The following TMEM74 variants were observed in gnomAD, a reference collection of about 807,000 sequenced individuals.
TMEM74 encodes the protein transmembrane protein 74.
In TMEM74, 13 loss-of-function variants were observed where a neutral mutation model predicts 18.1. That is an observed-to-expected ratio of 0.72 (90% CI 0.47 to 1.14). TMEM74 has a LOEUF of 1.14. TMEM74 is among the 50% of genes most tolerant of loss of function. The probability of loss-of-function intolerance (pLI) is 0.00; values close to 1 mark genes in which losing one functional copy is unlikely to be tolerated. For missense variants in TMEM74, 372 were observed against 375.9 expected (o/e 0.99, Z 0.09); for synonymous variants, 159 against 146.6 (o/e 1.08, Z -0.61).
intron 2 of TMEM74, among the ~76,000 whole-genome samples, chr8:108,625,469 G>A (rs1812484808): frequency 6.6e-6 from 1 of 151,960 alleles, no homozygotes; most frequent in Non-Finnish European, 1.5e-5. Flanking sequence ...CAGTTCACAA[G>A]TAGCTTTGCT....
rs775359798 is a variant in TMEM74, at chr8:108,784,373, C to A, written c.726G>T (p.Gly242=). 9.9e-6 allele frequency: 16 copies of A among 1,613,992 alleles called. No individual in the cohort carries two copies. In the South Asian group the frequency reaches 1.6e-4, roughly 17 times the overall value. ...VIAGLCLLTL[G]GVILSCLLMM... is the part of the protein sequence containing the mutation. ...TTAACAAGCAGGACAGGATGACGCC[C>A]CCCAGCGTGAGGAGGCAGAGCCCCG... Residue 242 remains glycine (G), a synonymous_variant, in exon 2 of 2, where the codon GGG becomes GGT. Transcript: ENST00000297459.
Position 108,784,372 on chromosome 8 carries a change from C to T in TMEM74, c.727G>A (p.Gly243Ser). ...IAGLCLLTLG[G>S]VILSCLLMMS... The stretch of plus-strand genomic sequence containing the variant: ...ATTAACAAGCAGGACAGGATGACGC[C>T]CCCCAGCGTGAGGAGGCAGAGCCCC... The change falls in exon 2 of 2, where the codon GGC becomes AGC. Residue 243 changes from glycine (G) to serine (S), a missense_variant. By Grantham distance (56) the Gly-to-Ser change is moderately conservative. Transcript: ENST00000297459. 6.2e-7 allele frequency: 1 copy of T among 1,614,034 alleles called. No individual in the cohort carries two copies. The highest frequency in any genetic ancestry group is 8.5e-7 in the Non-Finnish European group (1 of 1,180,022).
intron 2 of TMEM74, among the ~76,000 whole-genome samples, chr8:108,630,584 A>C (rs1812541169): frequency 6.6e-6 from 1 of 152,004 alleles, no homozygotes; most frequent in African/African-American, 2.4e-5. Context: ...TGGAAGTAAA[A>C]CACACCTCAG....
At chr8:108,612,287 A>G (rs977748654) in intron 2 of TMEM74, among the ~76,000 whole-genome samples, 3 of 152,154 alleles carry the variant, frequency 2.0e-5, no homozygotes, top group South Asian at 2.1e-4. Flanking sequence ...CTTGATGTTA[A>G]AGATATTAAA....
At position 108,784,034 on chromosome 8, in the gene TMEM74, A is replaced by G; in HGVS notation, c.*147T>C. ...GGCTTTTCTTCTAAATAGAAGACAC[A>G]TAGAGAACAAAAACACTTACTGGCT... On this transcript the variant is annotated 3_prime_UTR_variant, in exon 2 of 2. Coordinates refer to ENST00000297459, the MANE Select transcript of TMEM74 (RefSeq NM_153015.3). 2 of 665,288 alleles carry G rather than the reference A, an allele frequency of 3.0e-6. No individual in the cohort carries two copies. The highest frequency in any genetic ancestry group is 2.5e-6 in the Non-Finnish European group (1 of 401,096). 41.2% of individuals were successfully genotyped at this position (665,288 alleles called of 1,614,324 possible).
At chr8:108,766,583 T>C (rs1279831698) in intron 1 of TMEM74, among the ~76,000 whole-genome samples, 1 of 152,128 alleles carries the variant, frequency 6.6e-6, no homozygotes, top group Non-Finnish European at 1.5e-5. Flanking sequence ...CCTCAACTCT[T>C]CTCCCATAGG....
Position 108,678,421 on chromosome 8 carries a change from G to A in TMEM74, n.120-22984C>T, listed in dbSNP as rs187376417. 3.5e-3 allele frequency among the ~76,000 whole-genome samples: 526 copies of A among 152,156 alleles called. 3 individuals are homozygous for A. The highest frequency in any genetic ancestry group is 0.012 in the African/African-American group (497 of 41,522). On this transcript the variant is annotated intron_variant and non_coding_transcript_variant, in intron 1 of 3. Transcript: ENST00000518838. Reference sequence around the variant, plus strand: ...ACTCTGTCACCCAGGGTGGAGTGCAGTGGTGCAATCTCAGCTCACTGCAAC... The same window carrying A: ...ACTCTGTCACCCAGGGTGGAGTGCAATGGTGCAATCTCAGCTCACTGCAAC...
At chr8:108,639,220 T>C (rs1812638126) in intron 2 of TMEM74, among the ~76,000 whole-genome samples, 2 of 152,304 alleles carry the variant, frequency 1.3e-5, no homozygotes, top group South Asian at 2.1e-4. Flanking sequence ...AGTTGGTTAC[T>C]TAGCAATAGT....
downstream of TMEM74, among the ~76,000 whole-genome samples, chr8:108,776,664 T>C (rs1377105961): frequency 2.6e-5 from 4 of 152,116 alleles, no homozygotes; most frequent in African/African-American, 7.2e-5. Context: ...AGATGTAAAT[T>C]TCTTTCTTGG....
chr8:108,723,911 G>A (rs1175874882), intron 1 of TMEM74, among the ~76,000 whole-genome samples: 4 of 152,238 alleles, frequency 2.6e-5, no homozygotes, highest in Non-Finnish European at 4.4e-5. Flanking sequence ...TAAAGTAAAC[G>A]AAGGTGCTCC....
chr8:108,765,104 G>A (rs1487044078), intron 1 of TMEM74, among the ~76,000 whole-genome samples: 2 of 152,096 alleles, frequency 1.3e-5, no homozygotes, highest in Admixed American at 6.5e-5. Context: ...ATTAACTTGT[G>A]GTTGGAAATA....
intron 1 of TMEM74, among the ~76,000 whole-genome samples, chr8:108,693,094 C>T (rs921211142): frequency 1.3e-5 from 2 of 152,010 alleles, no homozygotes; most frequent in Non-Finnish European, 2.9e-5. Flanking sequence ...AAGAATGTTC[C>T]AAGGAGGAGG....
intron 1 of TMEM74, among the ~76,000 whole-genome samples, chr8:108,743,095 T>C (rs1813817621): frequency 6.6e-6 from 1 of 152,204 alleles, no homozygotes; most frequent in African/African-American, 2.4e-5. Context: ...ATAATGAACA[T>C]ACTTTAAGCA....
chr8:108,754,960 GC>G (rs1248381112), intron 1 of TMEM74, among the ~76,000 whole-genome samples: 1 of 151,950 alleles, frequency 6.6e-6, no homozygotes, highest in Non-Finnish European at 1.5e-5. Flanking sequence ...ATTGGGTGAT[GC>G]CCACTCCTAT....
intron 1 of TMEM74, among the ~76,000 whole-genome samples, chr8:108,708,309 G>A (rs1489523445): frequency 1.4e-5 from 2 of 147,524 alleles, no homozygotes; most frequent in Non-Finnish European, 3.0e-5. Context: ...TTGATTCCAT[G>A]TCTTTGGTAT....
At chr8:108,622,450 T>C (rs1812453520) in intron 2 of TMEM74, among the ~76,000 whole-genome samples, 1 of 152,094 alleles carries the variant, frequency 6.6e-6, no homozygotes, top group African/African-American at 2.4e-5. Flanking sequence ...TATATGCAAT[T>C]AAAACACTGC....
intron 1 of TMEM74, among the ~76,000 whole-genome samples, chr8:108,765,011 C>T (rs890182893): frequency 6.6e-6 from 1 of 152,096 alleles, no homozygotes; most frequent in Non-Finnish European, 1.5e-5. Flanking sequence ...GCCTTCTAGT[C>T]TCTTCCCCTT....
At chr8:108,693,350 A>G (rs1193926629) in intron 1 of TMEM74, among the ~76,000 whole-genome samples, 1 of 152,222 alleles carries the variant, frequency 6.6e-6, no homozygotes, top group Non-Finnish European at 1.5e-5. Flanking sequence ...TTAAACCATG[A>G]AAGAGTTTCA....
chr8:108,757,615 G>GT (rs774757303), intron 1 of TMEM74, among the ~76,000 whole-genome samples: 27 of 151,554 alleles, frequency 1.8e-4, no homozygotes, highest in Admixed American at 7.2e-4. Flanking sequence ...TCTCTTCTGT[G>GT]TTTTTTTTAA....
Sources: allele counts gnomAD v4.1 joint callset (sites outside exome capture counted in the v4.1 genomes callset), GRCh38; gene constraint gnomAD v4.1.1; transcripts MANE v1.5; gene names NCBI Gene and HGNC (gene_info 2026-07-23, HGNC 2026-07-21).